PAWR: variants seen among roughly 807,000 people sequenced by gnomAD.
The protein encoded by PAWR is pro-apoptotic WT1 regulator.
A neutral mutation model predicts 32.0 loss-of-function variants in PAWR; 23 were observed. That is an observed-to-expected ratio of 0.72 (90% CI 0.52 to 1.02). The LOEUF (loss-of-function observed/expected upper bound fraction) is 1.02, where lower values mean the gene tolerates loss of function less well. PAWR is among the 50% of genes least tolerant of loss of function. PAWR has a pLI of 0.00. For missense variants in PAWR, 457 were observed against 437.7 expected (o/e 1.04, Z -0.39); for synonymous variants, 226 against 187.1 (o/e 1.21, Z -1.70).
intron 2 of PAWR, among the ~76,000 whole-genome samples, chr12:79,625,951 T>G (rs1259406218): frequency 6.6e-6 from 1 of 150,508 alleles, no homozygotes. Flanking sequence ...GATCATGAGG[T>G]CAGGAGATCG....
chr12:79,676,026 A>AG (rs1371490365), intron 2 of PAWR, among the ~76,000 whole-genome samples: 1 of 151,916 alleles, frequency 6.6e-6, no homozygotes, highest in Non-Finnish European at 1.5e-5. Context: ...TTGGAAACAG[A>AG]GGAAAAAAAA....
At chr12:79,653,029 G>T (rs368760270) in intron 2 of PAWR, among the ~76,000 whole-genome samples, 1 of 151,250 alleles carries the variant, frequency 6.6e-6, no homozygotes, top group African/African-American at 2.5e-5. Context: ...CTGTTTTTGT[G>T]TTTGTTTTTT....
chr12:79,677,666 G>A (rs1283140105), intron 2 of PAWR, among the ~76,000 whole-genome samples: 1 of 152,078 alleles, frequency 6.6e-6, no homozygotes, highest in Non-Finnish European at 1.5e-5. Context: ...ACATGGTTTG[G>A]AGATGCCCTT....
intron 4 of PAWR, among the ~76,000 whole-genome samples, chr12:79,606,879 G>A (rs1874206265): frequency 1.3e-5 from 2 of 151,804 alleles, no homozygotes; most frequent in East Asian, 1.9e-4. Flanking sequence ...GGACTATCAA[G>A]GAATTAACTA....
intron 4 of PAWR, among the ~76,000 whole-genome samples, chr12:79,609,335 A>G (rs1226952598): frequency 6.6e-6 from 1 of 152,222 alleles, no homozygotes; most frequent in Non-Finnish European, 1.5e-5. Context: ...ATCTGAAATT[A>G]GACTGGAAGT....
At position 79,670,731 on chromosome 12, in the gene PAWR, TA is replaced by T. The variant is rs369727476; in HGVS notation, c.516+18997del. ...CAAATATTAAAACTTCAGTTCACAA[TA>T]AAAAAAAGGCTATCATAAGCTGAAC... is the stretch of plus-strand genomic sequence containing the variant. On this transcript the variant is annotated intron_variant, in intron 2 of 6. Transcript: ENST00000328827. Among the ~76,000 whole-genome samples, 640 of 151,722 alleles carry T rather than the reference TA, an allele frequency of 4.2e-3. 12 individuals are homozygous for T. Among genetic ancestry groups the T allele is most frequent in the African/African-American group, 0.014 (594 of 41,432 alleles).
chr12:79,586,142 A>G lies in PAWR; in HGVS notation c.*6465T>C, dbSNP rs565742190. The G allele has an allele frequency of 6.6e-6, 1 of 152,352 alleles. No homozygotes were observed. The highest frequency in any genetic ancestry group is 1.5e-5 in the Non-Finnish European group (1 of 68,024). The allele number at this position is 152,352 out of a possible 1,614,324, so 9.4% of individuals were successfully genotyped here. A position where few individuals can be genotyped will look rare whatever the true frequency, so the allele number is the denominator to read the frequency against. On this transcript the variant is annotated 3_prime_UTR_variant, in exon 7 of 7. Coordinates refer to ENST00000328827, the MANE Select transcript of PAWR (RefSeq NM_002583.4). Reference sequence around the variant, plus strand: ...TATTGTCCTAAGCCATCCATACACAAAACGTTTAATGTGTTATGGAAGGCT... The same window carrying G: ...TATTGTCCTAAGCCATCCATACACAGAACGTTTAATGTGTTATGGAAGGCT...
intron 2 of PAWR, among the ~76,000 whole-genome samples, chr12:79,659,784 A>ATATT (rs1877261959): frequency 6.6e-6 from 1 of 152,206 alleles, no homozygotes. Context: ...TATTTGGAAA[A>ATATT]TATTTTGTCT....
At chr12:79,657,608 G>A (rs968152726) in intron 2 of PAWR, among the ~76,000 whole-genome samples, 10 of 152,110 alleles carry the variant, frequency 6.6e-5, no homozygotes, top group East Asian at 5.8e-4. Flanking sequence ...TGGCTAACAC[G>A]GTGAAACCCC....
chr12:79,614,611 A>G (rs1314185694), intron 3 of PAWR, among the ~76,000 whole-genome samples: 2 of 152,152 alleles, frequency 1.3e-5, no homozygotes, highest in Non-Finnish European at 2.9e-5. Context: ...CTGCAGTTTC[A>G]CTTTAATAAA....
At chr12:79,609,195 GT>G (rs1379546309) in intron 4 of PAWR, among the ~76,000 whole-genome samples, 1 of 152,126 alleles carries the variant, frequency 6.6e-6, no homozygotes, top group Admixed American at 6.5e-5. Context: ...AGTTTTACAG[GT>G]TACAACAGCT....
intron 4 of PAWR, among the ~76,000 whole-genome samples, chr12:79,607,963 C>T (rs1291176795): frequency 6.6e-6 from 1 of 151,226 alleles, no homozygotes; most frequent in East Asian, 1.9e-4. Context: ...GCAGGAGAAT[C>T]ACTTGAACCT....
chr12:79,670,079 T>C (rs1877815739), intron 2 of PAWR, among the ~76,000 whole-genome samples: 1 of 152,146 alleles, frequency 6.6e-6, no homozygotes, highest in Admixed American at 6.6e-5. Context: ...ATGCTAAAAA[T>C]AGGTGGATGT....
intron 4 of PAWR, chr12:79,604,430 G>C: frequency 9.7e-7 from 1 of 1,027,416 alleles, no homozygotes; most frequent in Non-Finnish European, 1.2e-6. Context: ...AAACTATCAT[G>C]AGAATGAGAT....
chr12:79,677,539 T>C (rs1480386294), intron 2 of PAWR, among the ~76,000 whole-genome samples: 1 of 152,192 alleles, frequency 6.6e-6, no homozygotes, highest in Non-Finnish European at 1.5e-5. Flanking sequence ...AATCCCAATG[T>C]ATAAAAATAA....
chr12:79,632,294 TAC>T lies in PAWR; in HGVS notation c.517-11089_517-11088del, dbSNP rs1176264014. On this transcript the variant is annotated intron_variant, in intron 2 of 6. Transcript: ENST00000328827. ...ACTAGAGTCCAGAAATAGAAATATATACATATATATATACATACATATATATA... is the reference window on the plus strand; with the variant it reads ...ACTAGAGTCCAGAAATAGAAATATATATATATATATACATACATATATATA... 381 of 48,446 alleles carry T rather than the reference TAC, an allele frequency of 7.9e-3. 29 individuals carry two copies. The highest frequency in any genetic ancestry group is 0.043 in the African/African-American group (269 of 6,286). The allele number at this position is 48,446 out of a possible 1,614,324, so 3.0% of individuals were successfully genotyped here.
intron 2 of PAWR, among the ~76,000 whole-genome samples, chr12:79,670,376 T>C (rs1301062526): frequency 6.6e-6 from 1 of 152,140 alleles, no homozygotes; most frequent in African/African-American, 2.4e-5. Context: ...AATCTGTTAC[T>C]GAAATCAAAA....
intron 2 of PAWR, among the ~76,000 whole-genome samples, chr12:79,661,637 A>T (rs949338482): frequency 3.9e-4 from 59 of 152,212 alleles, no homozygotes; most frequent in Non-Finnish European, 7.5e-4. Context: ...AAAACTATTA[A>T]AACTAGGAAA....
chr12:79,674,779 T>C lies in PAWR; in HGVS notation c.516+14950A>G, dbSNP rs114805446. ...AACAGACACTTCTCAAAACATGACA[T>C]ACACGTAGCAACAAGCATATGAAAA... On this transcript the variant is annotated intron_variant, in intron 2 of 6. Coordinates refer to ENST00000328827, the MANE Select transcript of PAWR (RefSeq NM_002583.4). Among the ~76,000 whole-genome samples the C allele has an allele frequency of 1.3e-3, 197 of 152,008 alleles. 2 individuals carry two copies. The highest frequency in any genetic ancestry group is 4.7e-3 in the African/African-American group (193 of 41,432).
Sources: allele counts gnomAD v4.1 joint callset (sites outside exome capture counted in the v4.1 genomes callset), GRCh38; gene constraint gnomAD v4.1.1; transcripts MANE v1.5; gene names NCBI Gene and HGNC (gene_info 2026-07-23, HGNC 2026-07-21).